The following KDM4B variants were observed in gnomAD, a reference collection of about 807,000 sequenced individuals.
KDM4B encodes the protein lysine demethylase 4B, also known as lysine-specific demethylase 4B.
KDM4B carries 32 observed loss-of-function variants against 125.2 expected under a neutral mutation model. The ratio of observed to expected loss-of-function variants is 0.26; its 90% CI spans 0.19 to 0.34. The LOEUF (loss-of-function observed/expected upper bound fraction) is 0.34, where lower values mean the gene tolerates loss of function less well. Among genes scored for constraint, KDM4B ranks in the 10% least tolerant of loss-of-function variants. The pLI is 1.00. For synonymous variants in KDM4B, 721 were observed against 677.9 expected, an observed-to-expected ratio of 1.06 and a Z score of -0.99; for missense variants, 1,190 against 1,577.7, an observed-to-expected ratio of 0.75 and a Z score of 4.16.
At chr19:5,120,305 C>A (rs1180958561) in intron 11 of KDM4B, among the ~76,000 whole-genome samples, 1 of 152,326 alleles carries the variant, frequency 6.6e-6, no homozygotes, top group Admixed American at 6.5e-5. Context: ...GGCAACAGAG[C>A]AAGACCCAGT....
Position 5,047,478 on chromosome 19 carries a change from C to T in KDM4B, c.435C>T (p.Asp145=), listed in dbSNP as rs771412550. ...GACGCTGCTCTGCCGCCCCACAGGA[C>T]GTGGCCCAGTGGAACATCGGGAGCC... ...ADISGSLYDD[D]VAQWNIGSLR... Residue 145 remains aspartate (D), a splice_region_variant and synonymous_variant, in exon 6 of 23, where the codon GAC becomes GAT. Coordinates refer to ENST00000159111, the MANE Select transcript of KDM4B (RefSeq NM_015015.3). The T allele has an allele frequency of 6.2e-6, 10 of 1,605,760 alleles. No homozygotes were observed. The highest frequency in any genetic ancestry group is 1.7e-5 in the Admixed American group (1 of 59,442).
Position 4,971,282 on chromosome 19 carries a change from C to T in KDM4B, c.-109+2052C>T, listed in dbSNP as rs1428122509. 1.3e-5 allele frequency among the ~76,000 whole-genome samples: 2 copies of T among 152,256 alleles called. No individual in the cohort carries two copies. The highest frequency in any genetic ancestry group is 2.9e-5 in the Non-Finnish European group (2 of 68,010). ...GTACTTTTCTGTCTCGTGGAAGAGA[C>T]CCTTCCTCAGCCTCCTGCCCTGTCT... On this transcript the variant is annotated intron_variant, in intron 1 of 22. Coordinates refer to ENST00000159111, the MANE Select transcript of KDM4B (RefSeq NM_015015.3). The surrounding 1 kb of genome is among the most constrained non-coding windows in gnomAD (Gnocchi z 4.1).
Position 5,087,544 on chromosome 19 carries a change from G to A in KDM4B, c.918+5040G>A, listed in dbSNP as rs572043744. ...AGAGCTGCTGCCCAGGGCCACTTCC[G>A]AGGTCAGTCATCTCTTTCTGGGGGG... On this transcript the variant is annotated intron_variant, in intron 9 of 22. Transcript: ENST00000159111. 6.3e-4 allele frequency among the ~76,000 whole-genome samples: 96 copies of A among 152,328 alleles called. 2 individuals are homozygous for A. Among genetic ancestry groups the A allele is most frequent in the African/African-American group, 2.3e-3 (96 of 41,564 alleles).
chr19:5,068,244 C>T (rs1051806654), intron 6 of KDM4B, among the ~76,000 whole-genome samples: 5 of 152,154 alleles, frequency 3.3e-5, no homozygotes, highest in African/African-American at 7.2e-5. Context: ...CTGGGAGGCC[C>T]GAAGGCTCCC....
chr19:5,015,433 G>A (rs890466040), intron 1 of KDM4B, among the ~76,000 whole-genome samples: 20 of 151,290 alleles, frequency 1.3e-4, no homozygotes, highest in African/African-American at 4.9e-4. Flanking sequence ...TGTGTTTGTA[G>A]TAGAGACGGG....
chr19:5,097,543 G>A (rs565055116), intron 9 of KDM4B, among the ~76,000 whole-genome samples: 9 of 152,330 alleles, frequency 5.9e-5, no homozygotes, highest in East Asian at 5.8e-4. Flanking sequence ...GTGAGCCGCC[G>A]CGCCTGGCCT....
intron 6 of KDM4B, among the ~76,000 whole-genome samples, chr19:5,051,805 G>A (rs923283855): frequency 3.9e-5 from 6 of 152,222 alleles, no homozygotes; most frequent in Admixed American, 6.5e-5. Flanking sequence ...CATGACCCGC[G>A]GCAGTCTGGA....
intron 15 of KDM4B, among the ~76,000 whole-genome samples, chr19:5,137,031 C>G (rs2087185211): frequency 6.6e-6 from 1 of 152,226 alleles, no homozygotes; most frequent in African/African-American, 2.4e-5. Flanking sequence ...CGTCCTCTTT[C>G]CACACAAGTA....
chr19:5,100,701 C>T (rs950177192), intron 9 of KDM4B, among the ~76,000 whole-genome samples: 2 of 152,200 alleles, frequency 1.3e-5, no homozygotes, highest in Non-Finnish European at 2.9e-5. Flanking sequence ...AGGCGTGAGC[C>T]ACCACACTTG....
At chr19:5,062,128 C>T (rs988756561) in intron 6 of KDM4B, among the ~76,000 whole-genome samples, 2 of 152,212 alleles carry the variant, frequency 1.3e-5, no homozygotes, top group South Asian at 4.1e-4. Context: ...TGTCCGGTCC[C>T]CTGTAATCTC....
intron 1 of KDM4B, among the ~76,000 whole-genome samples, chr19:4,970,985 G>C (rs1030011033): frequency 6.6e-6 from 1 of 152,130 alleles, no homozygotes; most frequent in Non-Finnish European, 1.5e-5. Flanking sequence ...GGAGGAAAAG[G>C]GGGTAACGGA....
intron 9 of KDM4B, among the ~76,000 whole-genome samples, chr19:5,094,915 C>T (rs892183001): frequency 4.6e-5 from 7 of 152,200 alleles, no homozygotes; most frequent in African/African-American, 7.2e-5. Context: ...CAGGTCATCG[C>T]CGTCACCACA....
chr19:4,996,193 T>C (rs921013595), intron 1 of KDM4B, among the ~76,000 whole-genome samples: 6 of 152,298 alleles, frequency 3.9e-5, no homozygotes, highest in African/African-American at 1.4e-4. Context: ...TTTCTCCATG[T>C]TGGCCAGGCT....
intron 1 of KDM4B, among the ~76,000 whole-genome samples, chr19:5,009,372 C>G (rs2035662270): frequency 1.3e-5 from 2 of 152,152 alleles, no homozygotes; most frequent in South Asian, 4.1e-4. Flanking sequence ...TTCTTTCACT[C>G]AAGAAGGATC....
intron 14 of KDM4B, 97 bp from the exon 15 acceptor site, chr19:5,135,242 T>C: frequency 1.3e-6 from 1 of 777,202 alleles, no homozygotes; most frequent in Non-Finnish European, 2.1e-6. Flanking sequence ...CCAGGGGGTG[T>C]CGAAGCCTGG....
intron 1 of KDM4B, among the ~76,000 whole-genome samples, chr19:5,005,816 G>A (rs2035539415): frequency 6.6e-6 from 1 of 152,140 alleles, no homozygotes; most frequent in Non-Finnish European, 1.5e-5. Flanking sequence ...ACAGCTGGGA[G>A]GGATGTGGGG....
rs1454604880 is a variant in KDM4B, at chr19:5,152,615, C to T, written c.*1104C>T. 6.6e-6 allele frequency: 1 copy of T among 152,236 alleles called. No individual in the cohort carries two copies. The highest frequency in any genetic ancestry group is 1.5e-5 in the Non-Finnish European group (1 of 68,048). 9.4% of individuals were successfully genotyped at this position (152,236 alleles called of 1,614,324 possible). A position where few individuals can be genotyped will look rare whatever the true frequency, so the allele number is the denominator to read the frequency against. On this transcript the variant is annotated 3_prime_UTR_variant, in exon 23 of 23. Coordinates refer to ENST00000159111, the MANE Select transcript of KDM4B (RefSeq NM_015015.3). Reference sequence around the variant, plus strand: ...GCCTGGTGTCCTCGCTCCACCCACCCACGCTGCTGTCACCTGAGGGGAATC... The same window carrying T: ...GCCTGGTGTCCTCGCTCCACCCACCTACGCTGCTGTCACCTGAGGGGAATC...
rs372099667 is a variant in KDM4B, at chr19:5,152,109, C to CG, written c.*608dup. 0.025 allele frequency: 3,145 copies of CG among 124,820 alleles called. 81 individuals are homozygous for CG. The highest frequency in any genetic ancestry group is 0.081 in the African/African-American group (2,504 of 30,802). The allele number at this position is 124,820 out of a possible 1,614,324, so 7.7% of individuals were successfully genotyped here. On this transcript the variant is annotated 3_prime_UTR_variant, in exon 23 of 23. Transcript: ENST00000159111. Reference sequence around the variant, plus strand: ...GACCCGGTAATTGGAGGGTGAGCCTCGGGGGGGGGGCAGGACGCCCCGGTT... The same window carrying CG: ...GACCCGGTAATTGGAGGGTGAGCCTCGGGGGGGGGGGCAGGACGCCCCGGTT...
intron 9 of KDM4B, among the ~76,000 whole-genome samples, chr19:5,103,777 G>A (rs1300553129): frequency 1.3e-5 from 2 of 152,258 alleles, no homozygotes; most frequent in Non-Finnish European, 2.9e-5. Context: ...AAGGATGGAG[G>A]GAACAGCCCC....
Sources: gnomAD v4.1 joint callset for allele counts (sites outside exome capture counted in the v4.1 genomes callset) on GRCh38, gnomAD v4.1.1 for gene constraint, Gnocchi (gnomAD v3.1) non-coding constraint, MANE v1.5 for transcripts, NCBI Gene and HGNC (gene_info 2026-07-23, HGNC 2026-07-21) for gene names.